Variants in OVCH1 observed in about 807,000 individuals in gnomAD.
OVCH1 encodes ovochymase 1.
A neutral mutation model predicts 138.4 loss-of-function variants in OVCH1; 139 were observed. The ratio of observed to expected loss-of-function variants is 1.00; its 90% CI spans 0.87 to 1.16. OVCH1 has a LOEUF of 1.16. Among genes scored for constraint, OVCH1 ranks in the 50% most tolerant of loss-of-function variants. The pLI is 0.00. For missense variants in OVCH1, 1,367 were observed against 1,357.9 expected (o/e 1.01, Z -0.11); for synonymous variants, 453 against 467.8 (o/e 0.97, Z 0.41).
At chr12:29,438,873 TTG>T (rs1331014570) in intron 26 of OVCH1, among the ~76,000 whole-genome samples, 3 of 152,242 alleles carry the variant, frequency 2.0e-5, no homozygotes, top group Non-Finnish European at 4.4e-5. Flanking sequence ...TAAATCCTAT[TTG>T]GTTCTGTCAA....
At chr12:29,415,998 CTTTA>C (rs1489277563) in intron 3 of OVCH1, among the ~76,000 whole-genome samples, 1 of 151,252 alleles carries the variant, frequency 6.6e-6, no homozygotes, top group African/African-American at 2.4e-5. Context: ...AATATGCTCA[CTTTA>C]TTTATGGCAA....
chr12:29,481,289 C>T (rs573537345), intron 8 of OVCH1, among the ~76,000 whole-genome samples: 7 of 152,198 alleles, frequency 4.6e-5, no homozygotes, highest in African/African-American at 1.7e-4. Flanking sequence ...ATGAACCTAT[C>T]TTAGGAATTT....
intron 25 of OVCH1, among the ~76,000 whole-genome samples, chr12:29,441,690 C>A (rs1449447925): frequency 1.3e-5 from 2 of 152,122 alleles, no homozygotes; most frequent in Non-Finnish European, 2.9e-5. Context: ...AGGCAACCTA[C>A]AAAATGGGAG....
chr12:29,404,529 A>G, the OVCH1 span, among the ~76,000 whole-genome samples: 1 of 152,202 alleles, frequency 6.6e-6, no homozygotes, highest in Non-Finnish European at 1.5e-5. Flanking sequence ...ATTAAAATCT[A>G]TACCTTCAAG....
intron 4 of OVCH1, among the ~76,000 whole-genome samples, chr12:29,493,742 CTT>C (rs1466799055): frequency 6.6e-6 from 1 of 152,086 alleles, no homozygotes; most frequent in African/African-American, 2.4e-5. Context: ...TTTTCAGTAA[CTT>C]TCACTGCTTT....
chr12:29,490,151 C>A (rs999026412), intron 5 of OVCH1, among the ~76,000 whole-genome samples: 3 of 152,166 alleles, frequency 2.0e-5, no homozygotes, highest in South Asian at 2.1e-4. Flanking sequence ...GTAGCCTCAA[C>A]CTCCTGGGAG....
downstream of OVCH1, among the ~76,000 whole-genome samples, chr12:29,409,516 C>T (rs1473269665): frequency 1.3e-5 from 2 of 151,822 alleles, no homozygotes; most frequent in Non-Finnish European, 2.9e-5. Context: ...TGTCTTTGTT[C>T]TCATTGGTTT....
chr12:29,458,144 A>G lies in OVCH1; in HGVS notation c.2281-2739T>C, dbSNP rs77887304. ...TTCACAGAAATAGAAAAATAATCAT[A>G]AAATGTATATGGAACCACAAAAGAC... On this transcript the variant is annotated intron_variant, in intron 19 of 27. Transcript: ENST00000318184. Among the ~76,000 whole-genome samples, 610 of 152,314 alleles carry G rather than the reference A, an allele frequency of 4.0e-3. 4 individuals carry two copies. Among genetic ancestry groups the G allele is most frequent in the African/African-American group, 0.013 (534 of 41,576 alleles).
intron 14 of OVCH1, 139 bp downstream of exon 14, chr12:29,474,922 G>T: frequency 2.1e-6 from 2 of 962,370 alleles, no homozygotes; most frequent in Non-Finnish European, 2.9e-6. Flanking sequence ...GGTTTCTAGG[G>T]GTGGATCCAG....
At chr12:29,410,502 C>G (rs1296507101), downstream of OVCH1, among the ~76,000 whole-genome samples, 3 of 128,454 alleles carry the variant, frequency 2.3e-5, no homozygotes, top group Non-Finnish European at 3.7e-5. Context: ...TAGGTCAGGG[C>G]TGGTGGTGAC....
At chr12:29,406,999 T>C in the OVCH1 span, among the ~76,000 whole-genome samples, 1 of 151,736 alleles carries the variant, frequency 6.6e-6, no homozygotes, top group African/African-American at 2.4e-5. Context: ...ATTGCCATTC[T>C]AACTGGTGTG....
intron 3 of OVCH1, among the ~76,000 whole-genome samples, chr12:29,420,324 G>A (rs944887033): frequency 6.6e-6 from 1 of 152,120 alleles, no homozygotes; most frequent in African/African-American, 2.4e-5. Flanking sequence ...GAGCAAGGAG[G>A]AAGGAGACCC....
intron 14 of OVCH1, among the ~76,000 whole-genome samples, chr12:29,474,080 C>CAT (rs1404399659): frequency 1.4e-5 from 2 of 138,336 alleles, no homozygotes; most frequent in African/African-American, 6.6e-5. Flanking sequence ...CACATACACA[C>CAT]ACACACACAC....
chr12:29,411,624 C>T (rs535506112), downstream of OVCH1, among the ~76,000 whole-genome samples: 101 of 152,194 alleles, frequency 6.6e-4, no homozygotes, highest in African/African-American at 2.3e-3. Flanking sequence ...AGCGGTTTTT[C>T]GTGAACCGTA....
intron 16 of OVCH1, among the ~76,000 whole-genome samples, chr12:29,470,319 A>G (rs1048991673): frequency 3.3e-5 from 5 of 152,120 alleles, no homozygotes; most frequent in African/African-American, 1.2e-4. Context: ...GCACTTATCA[A>G]CCTGTCGTCT....
Position 29,418,228 on chromosome 12 carries a change from A to G in OVCH1, c.*71+4899T>C, listed in dbSNP as rs150502819. On this transcript the variant is annotated intron_variant and NMD_transcript_variant, in intron 3 of 4. Coordinates refer to the OVCH1 transcript ENST00000539117. Reference sequence around the variant, plus strand: ...ACTACATGACAGAGCCAGAGTAACAATTCCTCACCCAGTTTTCACATTAGC... The same window carrying G: ...ACTACATGACAGAGCCAGAGTAACAGTTCCTCACCCAGTTTTCACATTAGC... Among the ~76,000 whole-genome samples the G allele has an allele frequency of 1.9e-4, 29 of 152,346 alleles. 1 individual carries two copies. In the East Asian group the frequency reaches 4.4e-3, roughly 23 times the overall value.
chr12:29,407,015 G>A, the OVCH1 span, among the ~76,000 whole-genome samples: 1 of 151,906 alleles, frequency 6.6e-6, no homozygotes, highest in South Asian at 2.1e-4. Context: ...GTGTGAGATG[G>A]TATCTCGTTG....
At chr12:29,466,621 G>T (rs887018376) in intron 16 of OVCH1, among the ~76,000 whole-genome samples, 35 of 152,206 alleles carry the variant, frequency 2.3e-4, no homozygotes, top group African/African-American at 8.0e-4. Context: ...AGGCACAAGG[G>T]CGGCTGCTGG....
intron 8 of OVCH1, among the ~76,000 whole-genome samples, chr12:29,479,345 G>A (rs876875): frequency 0.02 from 3,006 of 152,234 alleles, 120 homozygotes; most frequent in East Asian, 0.17. Context: ...ACCATACAGC[G>A]TATGCTAACC....
Sources: allele counts gnomAD v4.1 joint callset (sites outside exome capture counted in the v4.1 genomes callset), GRCh38; gene constraint gnomAD v4.1.1; transcripts MANE v1.5; gene names NCBI Gene and HGNC (gene_info 2026-07-23, HGNC 2026-07-21).